Variants in AP1M2 observed in about 807,000 individuals in gnomAD.
AP1M2 encodes the protein adaptor related protein complex 1 subunit mu 2, also known as AP-1 complex subunit mu-2.
A neutral mutation model predicts 54.6 loss-of-function variants in AP1M2; 41 were observed. The observed-to-expected ratio is 0.75, with a 90% CI of 0.59 to 0.97. The LOEUF (loss-of-function observed/expected upper bound fraction) is 0.97. Ranked by LOEUF, AP1M2 falls within the 50% of genes least tolerant of loss-of-function variation. AP1M2 has a pLI of 0.00. For missense variants in AP1M2, 507 were observed against 561.2 expected (o/e 0.90, Z 0.98); for synonymous variants, 219 against 215.9 (o/e 1.01, Z -0.13).
chr19:10,586,757 A>G lies in AP1M2; in HGVS notation c.42+433T>C, dbSNP rs1363031213. On this transcript the variant is annotated intron_variant, in intron 1 of 11. Transcript: ENST00000250244. Reference sequence around the variant, plus strand: ...TCCAAAATAAAAAAAGACAAGAGGAATAAAAGGACTTCAGGAAGAGGCAAG... The same window carrying G: ...TCCAAAATAAAAAAAGACAAGAGGAGTAAAAGGACTTCAGGAAGAGGCAAG... Among the ~76,000 whole-genome samples the G allele has an allele frequency of 2.0e-5, 3 of 152,092 alleles. No homozygotes were observed. The East Asian group carries it at 5.8e-4, about 29-fold the overall frequency.
chr19:10,577,321 G>A lies in AP1M2; in HGVS notation c.924C>T (p.Asn308=), dbSNP rs759784833. Residue 308 remains asparagine (N), a synonymous_variant, in exon 9 of 12, where the codon AAC becomes AAT. Transcript: ENST00000250244. ...KGQFKKQSVA[N]GVEISVPVPS... is the part of the protein sequence containing the mutation. ...GTACAGGCACAGATATCTCCACACC[G>A]TTGGCCACTGACTGTTTCTTAAACT... 2.9e-5 allele frequency: 47 copies of A among 1,610,028 alleles called. No homozygotes were observed. The East Asian group carries it at 6.5e-4, about 22-fold the overall frequency.
In AP1M2 at chr19:10,581,131, A is replaced by C. The variant is rs1041505454; in HGVS notation, c.673+135T>G. 2.3e-6 allele frequency: 3 copies of C among 1,298,346 alleles called. No homozygotes were observed. In the African/African-American group the frequency reaches 4.5e-5, roughly 19 times the overall value. 80.4% of individuals were successfully genotyped at this position (1,298,346 alleles called of 1,614,324 possible). ...GCCTTTGCAGTCAGCCAATGGCTGC[A>C]ATACTGGCCGTGATCAGCAGATGGT... On this transcript the variant is annotated intron_variant, in intron 6 of 11. Coordinates refer to ENST00000250244, the MANE Select transcript of AP1M2 (RefSeq NM_005498.5).
Position 10,574,479 on chromosome 19 carries a change from T to C in AP1M2, c.1187A>G (p.Lys396Arg), listed in dbSNP as rs201048813. The C allele has an allele frequency of 5.3e-4, 823 of 1,564,982 alleles. No homozygotes were observed. The highest frequency in any genetic ancestry group is 6.9e-4 in the Non-Finnish European group (802 of 1,154,664). ...CTGGTAACCACTTTTCTCAATGATC[T>C]TCATGTATCGGACCTGGAAGGGAAT... ...TVSGIQVRYMKIIEKSGYQAL... is the reference protein window; with the variant it reads ...TVSGIQVRYMRIIEKSGYQAL... Residue 396 changes from lysine (K) to arginine (R), a missense_variant, in exon 11 of 12, where the codon AAG becomes AGG. By Grantham distance (26) the Lys-to-Arg change is conservative (BLOSUM62 2). Coordinates refer to ENST00000250244, the MANE Select transcript of AP1M2 (RefSeq NM_005498.5).
At chr19:10,585,311 G>GAA in intron 1 of AP1M2, among the ~76,000 whole-genome samples, 1 of 142,586 alleles carries the variant, frequency 7.0e-6, no homozygotes, top group Admixed American at 6.9e-5. Flanking sequence ...AAGAAAGAAA[G>GAA]AAAGAAAGAA....
chr19:10,583,763 C>T, intron 2 of AP1M2, 90 bp from the exon 3 acceptor site: 1 of 1,497,812 alleles, frequency 6.7e-7, no homozygotes, highest in Non-Finnish European at 9.2e-7. Flanking sequence ...CTTGCCACCA[C>T]CCTCATCTCT....
At chr19:10,586,800 G>A (rs928445094) in intron 1 of AP1M2, among the ~76,000 whole-genome samples, 1 of 152,178 alleles carries the variant, frequency 6.6e-6, no homozygotes, top group South Asian at 2.1e-4. Flanking sequence ...CAGATGGGGG[G>A]AGTTAGAGGC....
chr19:10,573,800 T>C (rs1917137883), intron 11 of AP1M2, among the ~76,000 whole-genome samples: 1 of 151,118 alleles, frequency 6.6e-6, no homozygotes, highest in Admixed American at 6.6e-5. Context: ...TTGCTGGGAC[T>C]ACAGGTGTGC....
intron 6 of AP1M2, among the ~76,000 whole-genome samples, chr19:10,580,059 T>G (rs942736817): frequency 6.8e-5 from 10 of 147,276 alleles, no homozygotes; most frequent in East Asian, 2.0e-4. Context: ...TTTTTTTTTT[T>G]TTTTTTTTTT....
At position 10,573,078 on chromosome 19, in the gene AP1M2, A is replaced by C; in HGVS notation, c.1260T>G (p.Leu420=). 2.6e-6 allele frequency: 4 copies of C among 1,565,216 alleles called. No homozygotes were observed. The highest frequency in any genetic ancestry group is 3.5e-6 in the Non-Finnish European group (4 of 1,154,790). ...RYITQSGDYQ[L]RTS is the part of the protein sequence containing the mutation. ...TCTCTTCTCCCTTCTAGCTGGTACG[A>C]AGTTGGTAATCTGCAGAGAAAGAAT... Residue 420 remains leucine (L), a synonymous_variant, in exon 12 of 12, where the codon CTT becomes CTG. Transcript: ENST00000250244.
chr19:10,581,894 G>T lies in AP1M2; in HGVS notation c.268-16C>A. The T allele has an allele frequency of 6.3e-7, 1 of 1,575,014 alleles. No homozygotes were observed. On this transcript the variant is annotated splice_polypyrimidine_tract_variant and intron_variant, in intron 3 of 11. Transcript: ENST00000250244. ...CGCAGAATACCTGGGGGTTGGAGGA[G>T]AGAGAGACCCACAAAAGTGTGGCTA...
At chr19:10,573,912 C>T (rs1156743732) in intron 11 of AP1M2, among the ~76,000 whole-genome samples, 2 of 152,072 alleles carry the variant, frequency 1.3e-5, no homozygotes, top group Non-Finnish European at 2.9e-5. Context: ...CCTCCCACCT[C>T]AGCCTCCCAA....
chr19:10,577,383 G>A lies in AP1M2; in HGVS notation c.889-27C>T, dbSNP rs758092555. The A allele has an allele frequency of 1.3e-4, 196 of 1,478,344 alleles. 1 individual carries two copies. In the East Asian group the frequency reaches 2.7e-3, roughly 20 times the overall value. 91.6% of individuals were successfully genotyped at this position (1,478,344 alleles called of 1,614,324 possible). On this transcript the variant is annotated intron_variant, in intron 8 of 11. Coordinates refer to ENST00000250244, the MANE Select transcript of AP1M2 (RefSeq NM_005498.5). ...TGTCAGGGGAGCGAGCATGGGGCAC[G>A]AAGAATTCGCTTGCTCATCCTTCAA...
Position 10,583,895 on chromosome 19 carries a change from C to A in AP1M2, c.199+19G>T. 6.3e-7 allele frequency: 1 copy of A among 1,584,454 alleles called. No homozygotes were observed. The highest frequency in any genetic ancestry group is 8.6e-7 in the Non-Finnish European group (1 of 1,165,024). On this transcript the variant is annotated intron_variant, in intron 2 of 11. Coordinates refer to ENST00000250244, the MANE Select transcript of AP1M2 (RefSeq NM_005498.5). Reference sequence around the variant, plus strand: ...CAGCCCCCACACCCACCTCCAGGGACACCACGTGGGGTGGATACAGTAGAG... The same window carrying A: ...CAGCCCCCACACCCACCTCCAGGGAAACCACGTGGGGTGGATACAGTAGAG...
chr19:10,585,290 A>AGAAAGAAAGAAGGAAAGAAG lies in AP1M2; in HGVS notation c.43-1221_43-1220insCTTCTTTCCTTCTTTCTTTC, dbSNP rs1568434726. On this transcript the variant is annotated intron_variant, in intron 1 of 11. Coordinates refer to ENST00000250244, the MANE Select transcript of AP1M2 (RefSeq NM_005498.5). ...AAAGAAAGAAAGAAGAAAAAAAGAA[A>AGAAAGAAAGAAGGAAAGAAG]GAAAGAAAGAAAGAAAGAAAGAAAG... Among the ~76,000 whole-genome samples, 98 of 82,798 alleles carry AGAAAGAAAGAAGGAAAGAAG rather than the reference A, an allele frequency of 1.2e-3. 3 individuals carry two copies. The highest frequency in any genetic ancestry group is 4.3e-3 in the African/African-American group (92 of 21,282). The allele number at this position is 82,798 out of a possible 152,430, so 54.3% of individuals were successfully genotyped here. A position where few individuals can be genotyped will look rare whatever the true frequency, so the allele number is the denominator to read the frequency against.
intron 9 of AP1M2, 50 bp from the exon 10 acceptor site, chr19:10,575,079 G>A (rs1186032270): frequency 4.2e-6 from 6 of 1,418,004 alleles, no homozygotes; most frequent in South Asian, 1.6e-5. Context: ...CTACCCTCCC[G>A]AGACCTTCCT....
chr19:10,581,797 G>A lies in AP1M2; in HGVS notation c.349C>T (p.Leu117Phe), dbSNP rs1917471818. The A allele has an allele frequency of 6.2e-7, 1 of 1,613,978 alleles. No individual in the cohort carries two copies. ...FVIVYELLDE[L>F]MDFGFPQTTD... ...GTCTGCGGGAAGCCAAAGTCCATGAGCTCGTCCAGCAACTCGTAGACGATG... is the reference window on the plus strand; with the variant it reads ...GTCTGCGGGAAGCCAAAGTCCATGAACTCGTCCAGCAACTCGTAGACGATG... The change falls in exon 4 of 12, where the codon CTC (leucine) becomes TTC (phenylalanine). Residue 117 changes from leucine (L) to phenylalanine (F), a missense_variant. Leu to Phe is a conservative substitution (Grantham distance 22). Transcript: ENST00000250244.
rs1224540088 is a variant in AP1M2 at position 10,572,865 on chromosome 19, CG to C, written c.*200del. The C allele has an allele frequency of 3.8e-6, 2 of 524,780 alleles. No individual in the cohort carries two copies. Among genetic ancestry groups the C allele is most frequent in the Non-Finnish European group, 6.8e-6 (2 of 293,014 alleles). The allele number at this position is 524,780 out of a possible 1,614,324, so 32.5% of individuals were successfully genotyped here. On this transcript the variant is annotated 3_prime_UTR_variant, in exon 12 of 12. Coordinates refer to ENST00000250244, the MANE Select transcript of AP1M2 (RefSeq NM_005498.5). Reference sequence around the variant, plus strand: ...AGGGGGATGGGGAAAGCTCCAAGGGCGAGGGAAGCAGAGAGAGTTTCTCTCC... The same window carrying C: ...AGGGGGATGGGGAAAGCTCCAAGGGCAGGGAAGCAGAGAGAGTTTCTCTCC...
At chr19:10,585,859 G>A (rs1038595589) in intron 1 of AP1M2, among the ~76,000 whole-genome samples, 6 of 152,188 alleles carry the variant, frequency 3.9e-5, no homozygotes, top group Admixed American at 2.6e-4. Flanking sequence ...CAGGCTGACT[G>A]CAGTGGCTCA....
At position 10,587,224 on chromosome 19, in the gene AP1M2, G is replaced by T; in HGVS notation, c.8C>A (p.Ala3Asp). The T allele has an allele frequency of 6.4e-7, 1 of 1,564,122 alleles. No homozygotes were observed. Among genetic ancestry groups the T allele is most frequent in the Non-Finnish European group, 8.7e-7 (1 of 1,154,420 alleles). MS[A>D]SAVFILDVKG... ...AACGTCCAGAATGAAGACAGCCGAG[G>T]CGGACATGGTGGCGGCCGAAGGACT... The change falls in exon 1 of 12, where the codon GCC becomes GAC. Residue 3 changes from alanine (A) to aspartate (D), a missense_variant. Coordinates refer to ENST00000250244, the MANE Select transcript of AP1M2 (RefSeq NM_005498.5).
Sources: gnomAD v4.1 joint callset for allele counts (sites outside exome capture counted in the v4.1 genomes callset) on GRCh38, gnomAD v4.1.1 for gene constraint, MANE v1.5 for transcripts, NCBI Gene and HGNC (gene_info 2026-07-23, HGNC 2026-07-21) for gene names.